The following ANGEL1 variants were observed in gnomAD, a reference collection of about 807,000 sequenced individuals.
ANGEL1 encodes RNA 2',3'-cyclic phosphatase ANGEL1.
In ANGEL1, 62 loss-of-function variants were observed where a neutral mutation model predicts 76.4. That is an observed-to-expected ratio of 0.81 (90% CI 0.66 to 1.00). The LOEUF (loss-of-function observed/expected upper bound fraction) is 1.00. Among genes scored for constraint, ANGEL1 ranks in the 50% least tolerant of loss-of-function variants. ANGEL1 has a pLI of 0.00. For synonymous variants in ANGEL1, 340 were observed against 331.7 expected (o/e 1.03, Z -0.27); for missense variants, 737 against 836.7 (o/e 0.88, Z 1.47).
chr14:76,790,697 T>C lies in ANGEL1; in HGVS notation c.1766A>G (p.Glu589Gly). 6.2e-7 allele frequency: 1 copy of C among 1,614,180 alleles called. No homozygotes were observed. Among genetic ancestry groups the C allele is most frequent in the Middle Eastern group, 1.6e-4 (1 of 6,062 alleles). ...THFLPQRGRP[E>G]VTTMPLGLGM... ...AAGACCCAATGGCATTGTAGTGACC[T>C]CTGGGCGGCCACGCTGGGGCAGGAA... Residue 589 changes from glutamate (E) to glycine (G), a missense_variant, in exon 9 of 10, where the codon GAG (glutamate) becomes GGG (glycine). Glu to Gly is a moderately conservative substitution (Grantham distance 98). Around this residue, in one of 2 missense-constraint regions of ANGEL1, gnomAD observed 296 missense variants for 387.2 expected, o/e 0.76. Transcript: ENST00000251089.
intron 2 of ANGEL1, 92 bp from the exon 3 acceptor site, chr14:76,808,240 A>C (rs1362798006): frequency 1.7e-5 from 19 of 1,115,128 alleles, no homozygotes; most frequent in Non-Finnish European, 2.4e-5. Context: ...ATTATGCCTG[A>C]AGTTCCTTTT....
chr14:76,790,821 T>A, intron 8 of ANGEL1, 47 bp from the exon 9 acceptor site: 1 of 1,505,290 alleles, frequency 6.6e-7, no homozygotes, highest in Non-Finnish European at 8.9e-7. Context: ...ATTACTAAAT[T>A]TTCCCTAGAT....
intron 8 of ANGEL1, 92 bp from the exon 9 acceptor site, chr14:76,790,866 A>G: frequency 7.0e-7 from 1 of 1,438,258 alleles, no homozygotes; most frequent in South Asian, 1.5e-5. Flanking sequence ...GATTTTTTAA[A>G]AGGATGATCT....
intron 7 of ANGEL1, among the ~76,000 whole-genome samples, chr14:76,796,962 AG>A (rs1473824370): frequency 6.6e-6 from 1 of 152,192 alleles, no homozygotes; most frequent in African/African-American, 2.4e-5. Context: ...AGTGACCTGC[AG>A]GATCTTAAAC....
At chr14:76,792,341 T>C (rs1204167740) in intron 7 of ANGEL1, among the ~76,000 whole-genome samples, 1 of 152,158 alleles carries the variant, frequency 6.6e-6, no homozygotes, top group Non-Finnish European at 1.5e-5. Context: ...GAGGAATTCA[T>C]ACAAATCCTT....
chr14:76,803,788 G>C lies in ANGEL1; in HGVS notation c.1505C>G (p.Ser502Ter), dbSNP rs780013079. The change falls in exon 6 of 10, where the codon TCA becomes TGA. Residue 502 changes from serine (S) to a stop codon, truncating the protein, a stop_gained and splice_region_variant. Coordinates refer to ENST00000251089, the MANE Select transcript of ANGEL1 (RefSeq NM_015305.4). LOFTEE classifies it high-confidence loss of function. ...QYVTSCHPKR[S>*]ERRKYGRDFL... ...CCAAGAATGTGACATGTGCTCACCT[G>C]ATCTCTTGGGGTGACAGGAGGTGAC... 6.2e-7 allele frequency: 1 copy of C among 1,611,296 alleles called. No individual in the cohort carries two copies. The highest frequency in any genetic ancestry group is 1.1e-5 in the South Asian group (1 of 90,880).
intron 5 of ANGEL1, among the ~76,000 whole-genome samples, chr14:76,804,825 C>T (rs1034748974): frequency 2.0e-5 from 3 of 152,060 alleles, no homozygotes; most frequent in East Asian, 1.9e-4. Context: ...GCCTGGCCAA[C>T]ATGGCGAAAC....
rs985654678 is a variant in ANGEL1, at chr14:76,786,925, G to C, written c.*2303C>G. ...GCAGAAGATACTAGGAGGAGGCATG[G>C]GGGGAGCAGATGGAGGAAGAATGAA... On this transcript the variant is annotated 3_prime_UTR_variant, in exon 10 of 10. Coordinates refer to ENST00000251089, the MANE Select transcript of ANGEL1 (RefSeq NM_015305.4). The C allele has an allele frequency of 3.9e-5, 6 of 152,282 alleles. No homozygotes were observed. Among genetic ancestry groups the C allele is most frequent in the African/African-American group, 1.4e-4 (6 of 41,454 alleles). 9.4% of individuals were successfully genotyped at this position (152,282 alleles called of 1,614,324 possible).
rs2140203249 is a variant in ANGEL1 at position 76,787,418 on chromosome 14, G to T, written c.*1810C>A. On this transcript the variant is annotated 3_prime_UTR_variant, in exon 10 of 10. Coordinates refer to ENST00000251089, the MANE Select transcript of ANGEL1 (RefSeq NM_015305.4). ...GCATTTCCCAGCAGAAGAGAACAGT[G>T]ATGGGCCCTAGTCCTAGGAACCCAC... 1 of 152,650 alleles carries T rather than the reference G, an allele frequency of 6.6e-6. No individual in the cohort carries two copies. The highest frequency in any genetic ancestry group is 1.9e-4 in the East Asian group (1 of 5,178). 9.5% of individuals were successfully genotyped at this position (152,650 alleles called of 1,614,324 possible).
chr14:76,812,626 C>G, intron 1 of ANGEL1, 138 bp downstream of exon 1: 2 of 1,321,200 alleles, frequency 1.5e-6, no homozygotes, highest in Non-Finnish European at 1.9e-6. Context: ...GGGCTCAGGA[C>G]CGCCTCCCTA....
chr14:76,806,977 G>T, intron 4 of ANGEL1, 128 bp from the exon 5 acceptor site: 1 of 1,084,816 alleles, frequency 9.2e-7, no homozygotes. Context: ...AGGAGCCTTT[G>T]CCACTTCCTT....
Position 76,791,311 on chromosome 14 carries a change from C to T in ANGEL1, c.1674G>A (p.Glu558=), listed in dbSNP as rs1790574237. 1 of 1,614,130 alleles carries T rather than the reference C, an allele frequency of 6.2e-7. No homozygotes were observed. Among genetic ancestry groups the T allele is most frequent in the East Asian group, 2.2e-5 (1 of 44,886 alleles). ...GAGAAGGTTACCTGGAGAAGGCAGG[C>T]TCAAGCTCCGATGCATCTTCCTCAA... The part of the protein sequence containing the change: ...SVLEEDASEL[E]PAFSRTVGTI... The change falls in exon 8 of 10, where the codon GAG becomes GAA. Residue 558 remains glutamate (E), a synonymous_variant. Transcript: ENST00000251089.
chr14:76,791,372 G>C lies in ANGEL1; in HGVS notation c.1619-6C>G. Reference sequence around the variant, plus strand: ...AGCCCAACCCGCAGGTCGCTCTGCAGAGGACCAGAGAGAAAAACATTTTCT... The same window carrying C: ...AGCCCAACCCGCAGGTCGCTCTGCACAGGACCAGAGAGAAAAACATTTTCT... On this transcript the variant is annotated splice_polypyrimidine_tract_variant and splice_region_variant and intron_variant, in intron 7 of 9. Coordinates refer to ENST00000251089, the MANE Select transcript of ANGEL1 (RefSeq NM_015305.4). 1 of 1,613,658 alleles carries C rather than the reference G, an allele frequency of 6.2e-7. No homozygotes were observed. Among genetic ancestry groups the C allele is most frequent in the Non-Finnish European group, 8.5e-7 (1 of 1,179,806 alleles).
intron 7 of ANGEL1, among the ~76,000 whole-genome samples, chr14:76,801,977 T>C (rs1894777381): frequency 1.3e-5 from 2 of 151,286 alleles, no homozygotes; most frequent in African/African-American, 4.9e-5. Flanking sequence ...GACAACATAG[T>C]GAAACCCCTG....
Position 76,803,771 on chromosome 14 carries a change from G to A in ANGEL1, c.1507+15C>T. Reference sequence around the variant, plus strand: ...CATGAAGACACAGCCAACCAAGAATGTGACATGTGCTCACCTGATCTCTTG... The same window carrying A: ...CATGAAGACACAGCCAACCAAGAATATGACATGTGCTCACCTGATCTCTTG... On this transcript the variant is annotated intron_variant, in intron 6 of 9. Transcript: ENST00000251089. The A allele has an allele frequency of 6.3e-7, 1 of 1,587,440 alleles. No individual in the cohort carries two copies. Among genetic ancestry groups the A allele is most frequent in the Non-Finnish European group, 8.6e-7 (1 of 1,165,406 alleles).
In ANGEL1 at chr14:76,806,071, G is replaced by A. The variant is rs138837578; in HGVS notation, c.1380+345C>T. Among the ~76,000 whole-genome samples, 31 of 152,306 alleles carry A rather than the reference G, an allele frequency of 2.0e-4. No individual in the cohort carries two copies. The East Asian group carries it at 5.4e-3, about 27-fold the overall frequency. ...AGCTAAAAGACTACCACCAAACTTA[G>A]AACGGTCATTATGTTACTCTAAGAG... On this transcript the variant is annotated intron_variant, in intron 5 of 9. Transcript: ENST00000251089.
At chr14:76,794,885 C>A (rs1894531589) in intron 7 of ANGEL1, among the ~76,000 whole-genome samples, 1 of 152,056 alleles carries the variant, frequency 6.6e-6, no homozygotes, top group African/African-American at 2.4e-5. Context: ...ATGCTTAATG[C>A]TGCTTAGTTT....
chr14:76,800,263 C>G (rs1018222220), intron 7 of ANGEL1, among the ~76,000 whole-genome samples: 5 of 152,150 alleles, frequency 3.3e-5, no homozygotes, highest in African/African-American at 1.2e-4. Flanking sequence ...TTTTTATAAT[C>G]CTAAATCACT....
intron 2 of ANGEL1, 127 bp downstream of exon 2, chr14:76,808,932 A>C (rs1324870636): frequency 5.5e-6 from 5 of 915,160 alleles, no homozygotes; most frequent in Non-Finnish European, 4.8e-6. Context: ...CTGACATGCC[A>C]AGATTCTTAG....
Sources: gnomAD v4.1 joint callset for allele counts (sites outside exome capture counted in the v4.1 genomes callset) on GRCh38, gnomAD v4.1.1 for gene constraint, gnomAD v4.1.1 regional missense constraint, MANE v1.5 for transcripts, NCBI Gene and HGNC (gene_info 2026-07-23, HGNC 2026-07-21) for gene names.